Variants in ABCA13 observed in about 807,000 individuals in gnomAD.
ABCA13 encodes ATP binding cassette subfamily A member 13.
ABCA13 carries 476 observed loss-of-function variants against 478.7 expected under a neutral mutation model. The ratio of observed to expected loss-of-function variants is 0.99; its 90% CI spans 0.92 to 1.07. The LOEUF (loss-of-function observed/expected upper bound fraction) is 1.07, where lower values mean the gene tolerates loss of function less well. Ranked by LOEUF, ABCA13 falls within the 50% of genes least tolerant of loss-of-function variation. The pLI is 0.00. For missense variants in ABCA13, 6,060 were observed against 5,910.6 expected, an observed-to-expected ratio of 1.03 and a Z score of -0.83; for synonymous variants, 2,252 against 2,158.9, an observed-to-expected ratio of 1.04 and a Z score of -1.20.
At chr7:48,442,451 C>T (rs1448199022) in intron 42 of ABCA13, among the ~76,000 whole-genome samples, 2 of 152,206 alleles carry the variant, frequency 1.3e-5, no homozygotes, top group African/African-American at 2.4e-5. Context: ...GGTTATACAT[C>T]TGCCATTGCA....
Position 48,349,634 on chromosome 7 carries a change from G to C in ABCA13, c.10205-1009G>C, listed in dbSNP as rs147912575. 5.9e-5 allele frequency among the ~76,000 whole-genome samples: 9 copies of C among 152,344 alleles called. No individual in the cohort carries two copies. The East Asian group carries it at 1.7e-3, about 29-fold the overall frequency. On this transcript the variant is annotated intron_variant, in intron 29 of 61. Coordinates refer to ENST00000435803, the MANE Select transcript of ABCA13 (RefSeq NM_152701.5). ...ATCCAGAAACCTTGGAAGCCAGGAG[G>C]ATCTGGGAGCAGGGAAACCAGTAGA...
chr7:48,175,101 T>C (rs1021752840), intron 1 of ABCA13, among the ~76,000 whole-genome samples: 12 of 152,252 alleles, frequency 7.9e-5, no homozygotes, highest in Non-Finnish European at 1.3e-4. Flanking sequence ...TCCAGTGCAA[T>C]GCCATCAACA....
At chr7:48,422,810 A>T (rs1186999495) in intron 41 of ABCA13, among the ~76,000 whole-genome samples, 1 of 152,230 alleles carries the variant, frequency 6.6e-6, no homozygotes, top group Non-Finnish European at 1.5e-5. Flanking sequence ...AATCAAAAGG[A>T]TACATCAAAG....
intron 24 of ABCA13, among the ~76,000 whole-genome samples, chr7:48,312,669 T>C (rs1344973263): frequency 1.3e-5 from 2 of 152,246 alleles, no homozygotes; most frequent in Non-Finnish European, 2.9e-5. Flanking sequence ...AGGATTGAGA[T>C]GATGTGTGAA....
chr7:48,176,585 T>C (rs903932599), intron 1 of ABCA13, among the ~76,000 whole-genome samples: 1 of 152,202 alleles, frequency 6.6e-6, no homozygotes, highest in Non-Finnish European at 1.5e-5. Context: ...ATGCCAGGGC[T>C]CATCCTCTGA....
rs957195817 is a variant in ABCA13, at chr7:48,647,384, C to G, written c.*1872C>G. ...TCTAATTCTAACATAGTCTAGTTGTCAAAAGGAAATATGTAATCTTTTTAT... is the reference window on the plus strand; with the variant it reads ...TCTAATTCTAACATAGTCTAGTTGTGAAAAGGAAATATGTAATCTTTTTAT... On this transcript the variant is annotated 3_prime_UTR_variant, in exon 62 of 62. Coordinates refer to ENST00000435803, the MANE Select transcript of ABCA13 (RefSeq NM_152701.5). 2.6e-5 allele frequency: 4 copies of G among 152,024 alleles called. No individual in the cohort carries two copies. The highest frequency in any genetic ancestry group is 5.9e-5 in the Non-Finnish European group (4 of 67,992). The allele number at this position is 152,024 out of a possible 1,614,324, so 9.4% of individuals were successfully genotyped here.
At chr7:48,197,706 AT>A (rs1798123119) in intron 2 of ABCA13, among the ~76,000 whole-genome samples, 1 of 151,768 alleles carries the variant, frequency 6.6e-6, no homozygotes, top group Non-Finnish European at 1.5e-5. Context: ...AGAGGTGGCT[AT>A]TTTGTAGTGA....
intron 47 of ABCA13, 40 bp downstream of exon 47, chr7:48,483,203 A>C: frequency 6.5e-7 from 1 of 1,527,616 alleles, no homozygotes; most frequent in Non-Finnish European, 8.9e-7. Flanking sequence ...TTTAGAAAGT[A>C]TTTAGGAAAA....
At chr7:48,269,451 A>G (rs1312652691) in intron 16 of ABCA13, among the ~76,000 whole-genome samples, 2 of 152,222 alleles carry the variant, frequency 1.3e-5, no homozygotes, top group Admixed American at 1.3e-4. Context: ...AATTCTATAG[A>G]TTCTGTTAGT....
intron 37 of ABCA13, 75 bp downstream of exon 37, chr7:48,389,295 GT>G: frequency 3.4e-6 from 5 of 1,478,420 alleles, no homozygotes; most frequent in Non-Finnish European, 4.6e-6. Context: ...GAGACAGAAG[GT>G]TTGATTTCTT....
intron 32 of ABCA13, among the ~76,000 whole-genome samples, chr7:48,371,490 C>T (rs1022533085): frequency 4.6e-5 from 7 of 152,006 alleles, no homozygotes; most frequent in Non-Finnish European, 7.4e-5. Context: ...TTGTAGAGGT[C>T]CTTCATCCTT....
rs750528897 is a variant in ABCA13 at position 48,341,833 on chromosome 7, G to GAT, written c.10204+3393_10204+3394dup. Among the ~76,000 whole-genome samples the GAT allele has an allele frequency of 5.5e-3, 393 of 71,348 alleles. 10 individuals carry two copies. Among genetic ancestry groups the GAT allele is most frequent in the African/African-American group, 0.016 (320 of 19,600 alleles). 46.8% of individuals were successfully genotyped at this position (71,348 alleles called of 152,430 possible). On this transcript the variant is annotated intron_variant, in intron 29 of 61. Coordinates refer to ENST00000435803, the MANE Select transcript of ABCA13 (RefSeq NM_152701.5). ...TTCTGATATATATATATATCTTTCT[G>GAT]ATATATATATATATATCTTTCTGAT...
chr7:48,545,765 C>T (rs1227263394), intron 55 of ABCA13, among the ~76,000 whole-genome samples: 1 of 150,004 alleles, frequency 6.7e-6, no homozygotes, highest in Non-Finnish European at 1.5e-5. Context: ...AAAAAAAGTA[C>T]TAAGATTAAA....
chr7:48,217,960 C>A (rs1223423604), intron 3 of ABCA13, among the ~76,000 whole-genome samples: 1 of 152,306 alleles, frequency 6.6e-6, no homozygotes, highest in African/African-American at 2.4e-5. Flanking sequence ...CACCCAAATC[C>A]TATTATAGCT....
At chr7:48,482,425 A>C (rs959074631) in intron 46 of ABCA13, among the ~76,000 whole-genome samples, 1 of 151,818 alleles carries the variant, frequency 6.6e-6, no homozygotes, top group African/African-American at 2.4e-5. Flanking sequence ...TCTGTTGCCT[A>C]GGCTGGAGTG....
intron 42 of ABCA13, among the ~76,000 whole-genome samples, chr7:48,450,007 C>T (rs1174728439): frequency 6.6e-6 from 1 of 152,168 alleles, no homozygotes; most frequent in African/African-American, 2.4e-5. Flanking sequence ...GTTCAGGTTT[C>T]ACTGACACGT....
intron 56 of ABCA13, among the ~76,000 whole-genome samples, chr7:48,586,606 G>A (rs1052264263): frequency 6.6e-6 from 1 of 152,006 alleles, no homozygotes; most frequent in East Asian, 1.9e-4. Context: ...TGTGACAAGG[G>A]GTGAAGAACT....
chr7:48,642,627 G>A (rs1008211165), intron 59 of ABCA13, among the ~76,000 whole-genome samples: 2 of 152,046 alleles, frequency 1.3e-5, no homozygotes, highest in Non-Finnish European at 1.5e-5. Flanking sequence ...ATAGTTTTTG[G>A]AGGACCCCTA....
rs560909414 is a variant in ABCA13, at chr7:48,401,467, A to C, written c.11874-2216A>C. 1.5e-4 allele frequency among the ~76,000 whole-genome samples: 23 copies of C among 152,290 alleles called. No homozygotes were observed. The South Asian group carries it at 4.8e-3, about 32-fold the overall frequency. On this transcript the variant is annotated intron_variant, in intron 38 of 61. Transcript: ENST00000435803. The stretch of plus-strand genomic sequence containing the variant: ...CCTGTGAGCTTCCCATAGCATGTTG[A>C]TTATACTTCATCTGTAACATTTATC...
Sources: allele counts gnomAD v4.1 joint callset (sites outside exome capture counted in the v4.1 genomes callset), GRCh38; gene constraint gnomAD v4.1.1; transcripts MANE v1.5; gene names NCBI Gene and HGNC (gene_info 2026-07-23, HGNC 2026-07-21).